Variants in TRIM42 observed in about 807,000 individuals in gnomAD.
TRIM42 encodes the protein tripartite motif containing 42.
TRIM42 carries 59 observed loss-of-function variants against 64.9 expected under a neutral mutation model. That is an observed-to-expected ratio of 0.91 (90% CI 0.74 to 1.13). The LOEUF (loss-of-function observed/expected upper bound fraction) is 1.13, where lower values mean the gene tolerates loss of function less well. Ranked by LOEUF, TRIM42 falls within the 50% of genes most tolerant of loss-of-function variation. The pLI, the probability that TRIM42 is intolerant of heterozygous loss-of-function variation, is 0.00. For missense variants in TRIM42, 878 were observed against 929.5 expected (o/e 0.94, Z 0.72); for synonymous variants, 354 against 346.3 (o/e 1.02, Z -0.25).
chr3:140,691,297 T>C, intron 4 of TRIM42, 105 bp downstream of exon 4: 3 of 957,660 alleles, frequency 3.1e-6, no homozygotes, highest in East Asian at 2.5e-5. Context: ...TATGGGACTC[T>C]TCCTCTAAGC....
At chr3:140,679,171 T>C (rs1241539409) in intron 1 of TRIM42, among the ~76,000 whole-genome samples, 1 of 152,218 alleles carries the variant, frequency 6.6e-6, no homozygotes, top group African/African-American at 2.4e-5. Flanking sequence ...CTGTAACTTT[T>C]AATGGAAAAG....
intron 4 of TRIM42, among the ~76,000 whole-genome samples, chr3:140,695,574 G>A (rs1341613712): frequency 1.3e-5 from 2 of 152,136 alleles, no homozygotes; most frequent in Non-Finnish European, 2.9e-5. Flanking sequence ...ATGGGGCTGA[G>A]GAAGTAGTCC....
At chr3:140,693,319 C>T (rs1354641691) in intron 4 of TRIM42, among the ~76,000 whole-genome samples, 2 of 152,196 alleles carry the variant, frequency 1.3e-5, no homozygotes, top group African/African-American at 4.8e-5. Context: ...GCATTCCAGT[C>T]CCTTTCTTTT....
chr3:140,681,374 A>T (rs1012430953), intron 1 of TRIM42, among the ~76,000 whole-genome samples: 3 of 152,230 alleles, frequency 2.0e-5, no homozygotes, highest in African/African-American at 7.2e-5. Context: ...ATTACCTTTT[A>T]GACTTTATAA....
chr3:140,679,093 G>A (rs1988292608), intron 1 of TRIM42, among the ~76,000 whole-genome samples: 1 of 151,778 alleles, frequency 6.6e-6, no homozygotes, highest in Non-Finnish European at 1.5e-5. Context: ...ATTAATGTAT[G>A]TGCTTTGTAA....
intron 1 of TRIM42, 29 bp downstream of exon 1, chr3:140,678,599 G>T (rs750562491): frequency 6.4e-6 from 10 of 1,573,978 alleles, no homozygotes; most frequent in Non-Finnish European, 7.8e-6. Flanking sequence ...ATGTGGGGCC[G>T]CATTGGGTCA....
At chr3:140,690,728 C>T (rs914005431) in intron 3 of TRIM42, among the ~76,000 whole-genome samples, 1 of 151,752 alleles carries the variant, frequency 6.6e-6, no homozygotes, top group Non-Finnish European at 1.5e-5. Flanking sequence ...ACCTCCATGT[C>T]GACTGACAGT....
chr3:140,680,529 G>GT (rs996942260), intron 1 of TRIM42: 2 of 208,662 alleles, frequency 9.6e-6, no homozygotes, highest in African/African-American at 4.7e-5. Flanking sequence ...GAGCTTCCTA[G>GT]TAGAGATACC....
At chr3:140,699,524 A>G (rs75649033) in intron 4 of TRIM42, among the ~76,000 whole-genome samples, 5,230 of 152,100 alleles carry the variant, frequency 0.034, 140 homozygotes, top group East Asian at 0.11. Flanking sequence ...CCTTCTTTCT[A>G]CCTGATTCCC....
chr3:140,684,208 A>C (rs1177001466), intron 2 of TRIM42, among the ~76,000 whole-genome samples: 1 of 152,242 alleles, frequency 6.6e-6, no homozygotes, highest in East Asian at 1.9e-4. Context: ...TTCAAAAAAA[A>C]AATTAGGACA....
chr3:140,692,441 G>C (rs570452760), intron 4 of TRIM42, among the ~76,000 whole-genome samples: 1 of 151,928 alleles, frequency 6.6e-6, no homozygotes, highest in South Asian at 2.1e-4. Flanking sequence ...ATCTCCTAGG[G>C]TGGGACCACT....
intron 1 of TRIM42, among the ~76,000 whole-genome samples, chr3:140,679,867 T>C (rs766137146): frequency 3.3e-5 from 5 of 151,948 alleles, no homozygotes; most frequent in Non-Finnish European, 7.4e-5. Context: ...AAATTACTGA[T>C]GCCTGATCCC....
At position 140,682,642 on chromosome 3, in the gene TRIM42, G is replaced by C. The variant is rs754569531; in HGVS notation, c.522G>C (p.Gln174His). The change falls in exon 2 of 5, where the codon CAG (glutamine) becomes CAC (histidine). Residue 174 changes from glutamine (Q) to histidine (H), a missense_variant. Transcript: ENST00000286349. ...SLCEKCLRQLQKHAEVTENFF... is the reference protein window; with the variant it reads ...SLCEKCLRQLHKHAEVTENFF... ...GCGAGAAGTGCCTGCGGCAGCTGCA[G>C]AAGCACGCCGAGGTCACCGAGAACT... The C allele has an allele frequency of 6.2e-7, 1 of 1,613,764 alleles. No individual in the cohort carries two copies. The highest frequency in any genetic ancestry group is 1.3e-5 in the African/African-American group (1 of 74,940).
chr3:140,687,919 G>T lies in TRIM42; in HGVS notation c.1237G>T (p.Val413Leu), dbSNP rs776552052. 1.9e-6 allele frequency: 3 copies of T among 1,614,166 alleles called. No homozygotes were observed. The East Asian group carries it at 6.7e-5, about 36-fold the overall frequency. The change falls in exon 3 of 5, where the codon GTG becomes TTG. Residue 413 changes from valine to leucine, a missense_variant. By Grantham distance (32) the Val-to-Leu change is conservative (BLOSUM62 1). Transcript: ENST00000286349. ...CAGGCAGAAGGAAATTGAAAAATAT[G>T]TGTATGTTACAACCATGAAAGTGAA... ...VSRQKEIEKY[V>L]YVTTMKVNEM...
intron 3 of TRIM42, among the ~76,000 whole-genome samples, chr3:140,690,271 CT>C: frequency 6.6e-6 from 1 of 151,916 alleles, no homozygotes; most frequent in Middle Eastern, 3.4e-3. Context: ...ATTTTTTAAA[CT>C]CAGTTTTAGT....
Position 140,688,126 on chromosome 3 carries a change from C to G in TRIM42, c.1444C>G (p.Leu482Val), listed in dbSNP as rs1466265775. 4 of 1,613,908 alleles carry G rather than the reference C, an allele frequency of 2.5e-6. No homozygotes were observed. The African/African-American group carries it at 5.3e-5, about 22-fold the overall frequency. ...CTACGTGCCCTTGGACTTTGTTGAG[C>G]TTTCCAGTGCCATCCATGAGCTCTT... ...INYVPLDFVE[L>V]SSAIHELFPT... is the part of the protein sequence containing the mutation. The change falls in exon 3 of 5, where the codon CTT becomes GTT. Residue 482 changes from leucine to valine, a missense_variant. Transcript: ENST00000286349.
At chr3:140,693,690 G>A (rs569582084) in intron 4 of TRIM42, among the ~76,000 whole-genome samples, 1 of 152,308 alleles carries the variant, frequency 6.6e-6, no homozygotes, top group East Asian at 1.9e-4. Flanking sequence ...GAGGCAGCAG[G>A]ATCATTTCTT....
chr3:140,683,116 G>C lies in TRIM42; in HGVS notation c.996G>C (p.Glu332Asp). 1.2e-6 allele frequency: 2 copies of C among 1,614,174 alleles called. No homozygotes were observed. Among genetic ancestry groups the C allele is most frequent in the African/African-American group, 2.7e-5 (2 of 75,028 alleles). ...DTISLIDACS[E>D]RAASLFSAIA... Reference sequence around the variant, plus strand: ...TTAGCCTCATCGACGCCTGCTCCGAGAGGGCCGCCTCACTCTTCAGCGCCA... The same window carrying C: ...TTAGCCTCATCGACGCCTGCTCCGACAGGGCCGCCTCACTCTTCAGCGCCA... The change falls in exon 2 of 5, where the codon GAG becomes GAC. Residue 332 changes from glutamate to aspartate, a missense_variant. By Grantham distance (45) the Glu-to-Asp change is conservative. Coordinates refer to ENST00000286349, the MANE Select transcript of TRIM42 (RefSeq NM_152616.5).
intron 4 of TRIM42, among the ~76,000 whole-genome samples, chr3:140,692,562 C>CACACACACACACACACACACACAG (rs375439126): frequency 0.098 from 11,041 of 112,726 alleles, 1,108 homozygotes; most frequent in Non-Finnish European, 0.14. Flanking sequence ...CACACACACA[C>CACACACACACACACACACACACAG]AGAGAGAGAT....
Sources: gnomAD v4.1 joint callset for allele counts (sites outside exome capture counted in the v4.1 genomes callset) on GRCh38, gnomAD v4.1.1 for gene constraint, MANE v1.5 for transcripts, NCBI Gene and HGNC (gene_info 2026-07-23, HGNC 2026-07-21) for gene names.